Variants in BANK1 observed in about 807,000 individuals in gnomAD.
BANK1 encodes the protein B-cell scaffold protein with ankyrin repeats.
BANK1 carries 95 observed loss-of-function variants against 94.5 expected under a neutral mutation model. That is an observed-to-expected ratio of 1.00 (90% CI 0.85 to 1.19). The LOEUF (loss-of-function observed/expected upper bound fraction) is 1.19. BANK1 is among the 50% of genes most tolerant of loss of function. BANK1 has a pLI of 0.00. For missense variants in BANK1, 987 were observed against 932.2 expected (o/e 1.06, Z -0.77); for synonymous variants, 334 against 308.4 (o/e 1.08, Z -0.87).
chr4:102,060,272 G>A lies in BANK1; in HGVS notation c.2031G>A (p.Gln677=). ...TCAGGGGCTGTCTAACTGATGGTCAGGAAGAACTCATCCTCCTGCAGGAGA... is the reference window on the plus strand; with the variant it reads ...TCAGGGGCTGTCTAACTGATGGTCAAGAAGAACTCATCCTCCTGCAGGAGA... ...STLRGCLTDG[Q]EELILLQEKV... Residue 677 remains glutamine, a synonymous_variant, in exon 12 of 17, where the codon CAG becomes CAA. Transcript: ENST00000322953. 6.2e-7 allele frequency: 1 copy of A among 1,609,544 alleles called. No homozygotes were observed. Among genetic ancestry groups the A allele is most frequent in the Non-Finnish European group, 8.5e-7 (1 of 1,178,502 alleles).
chr4:101,830,540 G>A (rs1481588296), intron 2 of BANK1, among the ~76,000 whole-genome samples: 1 of 152,112 alleles, frequency 6.6e-6, no homozygotes, highest in Non-Finnish European at 1.5e-5. Context: ...TATGTAACTG[G>A]TGAGGCATGA....
chr4:101,886,763 G>A (rs1046146431), intron 5 of BANK1, among the ~76,000 whole-genome samples: 7 of 39,428 alleles, frequency 1.8e-4, no homozygotes, highest in African/African-American at 2.5e-4. Context: ...CAATATATTG[G>A]GGGGGGGGGC....
rs10015657 is a variant in BANK1 at position 101,879,101 on chromosome 4, A to G, written c.903+8457A>G. Among the ~76,000 whole-genome samples the G allele has an allele frequency of 6.9e-3, 1,047 of 152,258 alleles. 14 individuals are homozygous for G. The highest frequency in any genetic ancestry group is 0.023 in the African/African-American group (973 of 41,594). ...AAATTAGTAGAAGAAAAGAAGTAAT[A>G]AAGATCAGAGCAGAAATAAATGAAA... On this transcript the variant is annotated intron_variant, in intron 5 of 16. Transcript: ENST00000322953.
At chr4:101,942,145 G>C (rs1282193748) in intron 7 of BANK1, among the ~76,000 whole-genome samples, 1 of 151,844 alleles carries the variant, frequency 6.6e-6, no homozygotes, top group African/African-American at 2.4e-5. Context: ...ACCAGCCTCA[G>C]CATTTTGCAT....
rs76677235 is a variant in BANK1, at chr4:101,936,593, T to C, written c.1206+18404T>C. Among the ~76,000 whole-genome samples, 698 of 150,882 alleles carry C rather than the reference T, an allele frequency of 4.6e-3. 13 individuals are homozygous for C. In the East Asian group the frequency reaches 0.056, roughly 12 times the overall value. The stretch of plus-strand genomic sequence containing the variant: ...ATACGTGTATGTGTGTGTATATATA[T>C]AACCAGAAACACTCTATAGGAAAAA... On this transcript the variant is annotated intron_variant, in intron 7 of 16. Coordinates refer to ENST00000322953, the MANE Select transcript of BANK1 (RefSeq NM_017935.5).
At chr4:102,015,813 C>T (rs1408306745) in intron 7 of BANK1, among the ~76,000 whole-genome samples, 1 of 152,170 alleles carries the variant, frequency 6.6e-6, no homozygotes, top group Non-Finnish European at 1.5e-5. Context: ...TTACCCTTTG[C>T]TTTGACTATC....
intron 3 of BANK1, among the ~76,000 whole-genome samples, chr4:101,855,879 G>C (rs994015026): frequency 6.6e-6 from 1 of 152,162 alleles, no homozygotes; most frequent in Admixed American, 6.5e-5. Context: ...GCAGGTGACT[G>C]TGGGAATATA....
chr4:102,044,957 G>A (rs1276118521), intron 11 of BANK1, among the ~76,000 whole-genome samples: 28 of 142,918 alleles, frequency 2.0e-4, no homozygotes, highest in Admixed American at 5.7e-4. Context: ...AGTAGGTTGC[G>A]AAAATTTTCT....
intron 5 of BANK1, among the ~76,000 whole-genome samples, chr4:101,887,907 G>A (rs1332236843): frequency 1.3e-5 from 2 of 152,106 alleles, no homozygotes; most frequent in Non-Finnish European, 2.9e-5. Flanking sequence ...AGCTGAGCAC[G>A]TATAAAGTTT....
At chr4:101,843,204 C>T (rs189754035) in intron 2 of BANK1, among the ~76,000 whole-genome samples, 1 of 152,156 alleles carries the variant, frequency 6.6e-6, no homozygotes, top group Admixed American at 6.5e-5. Context: ...CACCTACTTT[C>T]CCCTTTGGTC....
chr4:101,863,466 TG>T (rs1488138955), intron 4 of BANK1, among the ~76,000 whole-genome samples: 2 of 152,112 alleles, frequency 1.3e-5, no homozygotes, highest in African/African-American at 2.4e-5. Flanking sequence ...TTTGGAAATG[TG>T]GCAAAAATAT....
chr4:101,806,883 A>G (rs1725572203), intron 1 of BANK1, among the ~76,000 whole-genome samples: 1 of 152,194 alleles, frequency 6.6e-6, no homozygotes, highest in Non-Finnish European at 1.5e-5. Flanking sequence ...CAGGGACTGT[A>G]TTTAAGTGAA....
At chr4:101,998,781 C>T (rs1174379558) in intron 7 of BANK1, among the ~76,000 whole-genome samples, 2 of 152,186 alleles carry the variant, frequency 1.3e-5, no homozygotes, top group African/African-American at 4.8e-5. Flanking sequence ...ACATTCAATT[C>T]TTTAGCTGTT....
chr4:101,949,205 G>A (rs1724047396), intron 7 of BANK1, among the ~76,000 whole-genome samples: 2 of 152,030 alleles, frequency 1.3e-5, no homozygotes, highest in Admixed American at 1.3e-4. Flanking sequence ...TATCTTCCCA[G>A]CAAGCTAAAC....
intron 11 of BANK1, among the ~76,000 whole-genome samples, chr4:102,046,045 C>CTACT (rs1727867158): frequency 6.7e-6 from 1 of 149,752 alleles, no homozygotes; most frequent in African/African-American, 2.5e-5. Context: ...TCAAACTATA[C>CTACT]TACAAGGCTA....
At position 101,889,461 on chromosome 4, in the gene BANK1, G is replaced by T. The variant is rs377528635; in HGVS notation, c.904-5844G>T. 7.3e-5 allele frequency among the ~76,000 whole-genome samples: 11 copies of T among 151,424 alleles called. No individual in the cohort carries two copies. In the East Asian group the frequency reaches 9.7e-4, roughly 13 times the overall value. On this transcript the variant is annotated intron_variant, in intron 5 of 16. Coordinates refer to ENST00000322953, the MANE Select transcript of BANK1 (RefSeq NM_017935.5). ...AAAATACAAAAAATTAGCCGGGCGCGGTGGCGGGCGCCTGTAGTCCCAGCT... is the reference window on the plus strand; with the variant it reads ...AAAATACAAAAAATTAGCCGGGCGCTGTGGCGGGCGCCTGTAGTCCCAGCT...
intron 1 of BANK1, among the ~76,000 whole-genome samples, chr4:101,795,152 A>G (rs980217569): frequency 4.6e-5 from 7 of 151,924 alleles, no homozygotes; most frequent in African/African-American, 1.5e-4. Context: ...GATCATGTCT[A>G]ATTTTCAGAG....
At chr4:101,816,027 G>A (rs529416413) in intron 1 of BANK1, among the ~76,000 whole-genome samples, 71 of 152,200 alleles carry the variant, frequency 4.7e-4, no homozygotes, top group African/African-American at 1.6e-3. Flanking sequence ...TGTGTTTGTG[G>A]AAAGTGCTTT....
chr4:102,057,334 CT>C, intron 11 of BANK1, among the ~76,000 whole-genome samples: 1 of 150,876 alleles, frequency 6.6e-6, no homozygotes, highest in East Asian at 2.0e-4. Context: ...CTCTCTCTCT[CT>C]CTTTCTCTCT....
Sources: allele counts gnomAD v4.1 joint callset (sites outside exome capture counted in the v4.1 genomes callset), GRCh38; gene constraint gnomAD v4.1.1; transcripts MANE v1.5; gene names NCBI Gene and HGNC (gene_info 2026-07-23, HGNC 2026-07-21).